Variants in SPOCK3 observed in about 807,000 individuals in gnomAD.
The protein encoded by SPOCK3 is testican-3.
In SPOCK3, 30 loss-of-function variants were observed where a neutral mutation model predicts 56.6. That is an observed-to-expected ratio of 0.53 (90% CI 0.40 to 0.72). The LOEUF (loss-of-function observed/expected upper bound fraction) is 0.72. Among genes scored for constraint, SPOCK3 ranks in the 30% least tolerant of loss-of-function variants. SPOCK3 has a pLI of 0.00. For missense variants in SPOCK3, 527 were observed against 530.0 expected (o/e 0.99, Z 0.06); for synonymous variants, 196 against 183.3 (o/e 1.07, Z -0.56).
At chr4:166,791,077 C>T (rs1490243963) in intron 7 of SPOCK3, among the ~76,000 whole-genome samples, 1 of 152,126 alleles carries the variant, frequency 6.6e-6, no homozygotes, top group East Asian at 1.9e-4. Context: ...ATGAAAAATA[C>T]TACAATTTCT....
intron 2 of SPOCK3, among the ~76,000 whole-genome samples, chr4:167,171,699 A>G (rs755316230): frequency 6.6e-6 from 1 of 152,106 alleles, no homozygotes; most frequent in Non-Finnish European, 1.5e-5. Context: ...TTGAAAGTTA[A>G]TGATACTATA....
chr4:167,199,697 T>TA (rs1413727194), intron 2 of SPOCK3, among the ~76,000 whole-genome samples: 2 of 32,786 alleles, frequency 6.1e-5, no homozygotes, highest in East Asian at 1.2e-3. Context: ...GTGAAATAAA[T>TA]AATAATAATA....
At chr4:167,157,724 A>C (rs1024198870) in intron 2 of SPOCK3, among the ~76,000 whole-genome samples, 3 of 151,792 alleles carry the variant, frequency 2.0e-5, no homozygotes, top group African/African-American at 7.3e-5. Flanking sequence ...CACTTCTGGA[A>C]ATGCTAGTGC....
chr4:166,855,121 G>C (rs547331335), intron 6 of SPOCK3, among the ~76,000 whole-genome samples: 39 of 152,252 alleles, frequency 2.6e-4, no homozygotes, highest in African/African-American at 9.1e-4. Context: ...CACTGTCAAA[G>C]AGAACAGTGA....
chr4:166,888,052 T>C (rs983652218), intron 6 of SPOCK3, among the ~76,000 whole-genome samples: 2 of 152,036 alleles, frequency 1.3e-5, no homozygotes, highest in Non-Finnish European at 2.9e-5. Context: ...TTTTATTTTG[T>C]TTTTTCATCT....
At chr4:166,924,826 T>C (rs1408095627) in intron 4 of SPOCK3, among the ~76,000 whole-genome samples, 1 of 152,206 alleles carries the variant, frequency 6.6e-6, no homozygotes, top group African/African-American at 2.4e-5. Flanking sequence ...GAAGCTGAAA[T>C]GGGCAACTTA....
At chr4:166,769,066 G>T (rs986391365) in intron 7 of SPOCK3, among the ~76,000 whole-genome samples, 2 of 152,098 alleles carry the variant, frequency 1.3e-5, no homozygotes, top group Non-Finnish European at 2.9e-5. Context: ...CTCTACAGTG[G>T]TTATTCTAGT....
chr4:166,853,481 C>A (rs1730343620), intron 6 of SPOCK3, among the ~76,000 whole-genome samples: 1 of 152,168 alleles, frequency 6.6e-6, no homozygotes, highest in Non-Finnish European at 1.5e-5. Flanking sequence ...TTCAAGGTCA[C>A]AATAACACCT....
chr4:167,084,480 A>G (rs565386488), intron 2 of SPOCK3, among the ~76,000 whole-genome samples: 88 of 152,324 alleles, frequency 5.8e-4, no homozygotes, highest in African/African-American at 1.9e-3. Context: ...ACTGATGTCA[A>G]TGGAAATCTA....
At chr4:166,916,587 T>C (rs1328115814) in intron 4 of SPOCK3, among the ~76,000 whole-genome samples, 1 of 152,216 alleles carries the variant, frequency 6.6e-6, no homozygotes, top group African/African-American at 2.4e-5. Context: ...AAAACTTCCA[T>C]GTTTCAGGAT....
At chr4:166,742,574 A>C (rs946633340) in intron 8 of SPOCK3, among the ~76,000 whole-genome samples, 10 of 152,154 alleles carry the variant, frequency 6.6e-5, no homozygotes, top group African/African-American at 2.4e-4. Flanking sequence ...GAAAAAGTTA[A>C]TGCTTCTTTC....
At chr4:167,103,876 C>T (rs892907578) in intron 2 of SPOCK3, among the ~76,000 whole-genome samples, 2 of 152,146 alleles carry the variant, frequency 1.3e-5, no homozygotes, top group African/African-American at 4.8e-5. Context: ...TGCCCAACTC[C>T]AGGCAGGTCA....
At chr4:167,150,758 A>T (rs1764346570) in intron 2 of SPOCK3, among the ~76,000 whole-genome samples, 1 of 152,170 alleles carries the variant, frequency 6.6e-6, no homozygotes, top group South Asian at 2.1e-4. Flanking sequence ...CGTCAGCGTG[A>T]ATATACTGAC....
At chr4:167,008,777 G>A (rs1186872011) in intron 3 of SPOCK3, among the ~76,000 whole-genome samples, 1 of 152,046 alleles carries the variant, frequency 6.6e-6, no homozygotes, top group East Asian at 1.9e-4. Context: ...TTACAAGTGG[G>A]AGCTAAACAA....
intron 2 of SPOCK3, among the ~76,000 whole-genome samples, chr4:167,225,252 T>A (rs1416792501): frequency 6.6e-6 from 1 of 152,132 alleles, no homozygotes; most frequent in African/African-American, 2.4e-5. Flanking sequence ...TAAAAATTTT[T>A]ATTAGGCCAT....
At chr4:167,094,320 A>G (rs1404929466) in intron 2 of SPOCK3, among the ~76,000 whole-genome samples, 1 of 152,112 alleles carries the variant, frequency 6.6e-6, no homozygotes, top group Non-Finnish European at 1.5e-5. Flanking sequence ...TTTTCATTGT[A>G]TTAATAAATT....
At chr4:166,801,132 ATTGAT>A (rs1407741060) in intron 6 of SPOCK3, among the ~76,000 whole-genome samples, 1 of 152,150 alleles carries the variant, frequency 6.6e-6, no homozygotes, top group African/African-American at 2.4e-5. Flanking sequence ...CATCATGTAG[ATTGAT>A]TTAACTATGC....
chr4:166,987,402 A>G (rs896901558), intron 4 of SPOCK3, among the ~76,000 whole-genome samples: 1 of 152,146 alleles, frequency 6.6e-6, no homozygotes, highest in Non-Finnish European at 1.5e-5. Context: ...AGTCACCTCT[A>G]TATCTGCCTT....
rs141333959 is a variant in SPOCK3, at chr4:167,210,457, G to A, written c.189+23528C>T. 5.6e-4 allele frequency among the ~76,000 whole-genome samples: 86 copies of A among 152,218 alleles called. 1 individual carries two copies. Among genetic ancestry groups the A allele is most frequent in the African/African-American group, 1.6e-3 (67 of 41,552 alleles). On this transcript the variant is annotated intron_variant, in intron 2 of 10. Transcript: ENST00000357545. ...GGATTCTTCAGGGAGGAGATGGTAC[G>A]TCTTGGGTAGTGGGCTAAAAGTGGC...
Sources: gnomAD v4.1 joint callset for allele counts (sites outside exome capture counted in the v4.1 genomes callset) on GRCh38, gnomAD v4.1.1 for gene constraint, MANE v1.5 for transcripts, NCBI Gene and HGNC (gene_info 2026-07-23, HGNC 2026-07-21) for gene names.